The following ATP10A variants were observed in gnomAD, a reference collection of about 807,000 sequenced individuals.
ATP10A encodes the protein phospholipid-transporting ATPase VA.
In ATP10A, 111 loss-of-function variants were observed where a neutral mutation model predicts 147.8. The observed-to-expected ratio is 0.75, with a 90% CI of 0.64 to 0.88. The LOEUF is 0.88. ATP10A is among the 40% of genes least tolerant of loss of function. ATP10A has a pLI of 0.00. For missense variants in ATP10A, 1,927 were observed against 1,959.0 expected (o/e 0.98, Z 0.31); for synonymous variants, 875 against 841.6 (o/e 1.04, Z -0.69).
At chr15:25,794,196 A>G (rs1312957497) in intron 1 of ATP10A, among the ~76,000 whole-genome samples, 2 of 152,190 alleles carry the variant, frequency 1.3e-5, no homozygotes, top group Non-Finnish European at 2.9e-5. Context: ...CCTGGGTCAA[A>G]GCCCTCAGAT....
intron 1 of ATP10A, among the ~76,000 whole-genome samples, chr15:25,803,815 T>G (rs1247535604): frequency 6.6e-6 from 1 of 152,210 alleles, no homozygotes; most frequent in African/African-American, 2.4e-5. Context: ...CTTCTCTGAG[T>G]GTAACCGGGA....
intron 1 of ATP10A, among the ~76,000 whole-genome samples, chr15:25,792,958 C>T (rs932932796): frequency 1.3e-5 from 2 of 151,376 alleles, no homozygotes; most frequent in Non-Finnish European, 1.5e-5. Context: ...GCAACCTCCA[C>T]CTCCCAGGTT....
At chr15:25,723,167 G>A (rs1902347030) in intron 6 of ATP10A, among the ~76,000 whole-genome samples, 1 of 151,950 alleles carries the variant, frequency 6.6e-6, no homozygotes, top group Admixed American at 6.6e-5. Context: ...TGGCCAACAT[G>A]GTGAAACCCC....
chr15:25,795,831 A>C (rs1890647315), intron 1 of ATP10A, among the ~76,000 whole-genome samples: 1 of 152,092 alleles, frequency 6.6e-6, no homozygotes, highest in Non-Finnish European at 1.5e-5. Context: ...GTGGGGGTGG[A>C]TCCCACATGG....
rs149383375 is a variant in ATP10A at position 25,793,293 on chromosome 15, C to T, written c.450-12070G>A. On this transcript the variant is annotated intron_variant, in intron 1 of 20. Transcript: ENST00000555815. The stretch of plus-strand genomic sequence containing the variant: ...CATGCAGCTCTTGGGAGAATGAGCA[C>T]TGCAATCATACCTGCTCTTCCCATC... Among the ~76,000 whole-genome samples, 917 of 152,308 alleles carry T rather than the reference C, an allele frequency of 6.0e-3. 9 individuals are homozygous for T. Among genetic ancestry groups the T allele is most frequent in the African/African-American group, 0.021 (886 of 41,562 alleles).
chr15:25,854,780 G>A (rs190474344), intron 1 of ATP10A, among the ~76,000 whole-genome samples: 10 of 152,236 alleles, frequency 6.6e-5, no homozygotes, highest in South Asian at 2.1e-4. Context: ...AAAACAGGCC[G>A]GGCGCAGTGG....
intron 7 of ATP10A, among the ~76,000 whole-genome samples, chr15:25,720,615 G>C (rs1489060684): frequency 6.6e-6 from 1 of 152,120 alleles, no homozygotes; most frequent in Non-Finnish European, 1.5e-5. Flanking sequence ...GAAAAAGAGA[G>C]GAGAGGGAGG....
At chr15:25,693,504 G>A (rs117298327) in intron 14 of ATP10A, among the ~76,000 whole-genome samples, 1 of 152,156 alleles carries the variant, frequency 6.6e-6, no homozygotes, top group East Asian at 2.0e-4. Context: ...ACGTCTTACT[G>A]TGTACTGTGG....
chr15:25,810,031 C>T (rs1160513672), intron 1 of ATP10A, among the ~76,000 whole-genome samples: 2 of 149,658 alleles, frequency 1.3e-5, no homozygotes, highest in Admixed American at 6.7e-5. Flanking sequence ...AAAAAAATGA[C>T]GGAACGTCCA....
Position 25,679,600 on chromosome 15 carries a change from T to TTGGACTCCTCAGGACACCCTCC in ATP10A, c.4219_4240dup (p.Lys1414ArgfsTer5). 6.2e-7 allele frequency: 1 copy of TTGGACTCCTCAGGACACCCTCC among 1,611,242 alleles called. No individual in the cohort carries two copies. The highest frequency in any genetic ancestry group is 8.5e-7 in the Non-Finnish European group (1 of 1,178,138). ...CCTGCCGGTGCTGGCAGCTCTCACCTTGGACTCCTCAGGACACCCTCCTGG... is the reference window on the plus strand; with the variant it reads ...CCTGCCGGTGCTGGCAGCTCTCACCTTGGACTCCTCAGGACACCCTCCTGGACTCCTCAGGACACCCTCCTGG... On this transcript the variant is annotated stop_gained and frameshift_variant, in exon 21 of 21. Coordinates refer to ENST00000555815, the MANE Select transcript of ATP10A (RefSeq NM_024490.4). LOFTEE classifies it high-confidence loss of function.
chr15:25,766,901 T>C (rs1042524444), intron 2 of ATP10A, among the ~76,000 whole-genome samples: 7 of 144,712 alleles, frequency 4.8e-5, no homozygotes, highest in African/African-American at 1.9e-4. Flanking sequence ...TGGAACTGTT[T>C]CTAAAAAAAA....
At chr15:25,734,019 G>T (rs1887118752) in intron 3 of ATP10A, among the ~76,000 whole-genome samples, 1 of 152,202 alleles carries the variant, frequency 6.6e-6, no homozygotes, top group Admixed American at 6.5e-5. Flanking sequence ...AGGCCTGGGG[G>T]TACACAGCCA....
chr15:25,828,732 T>C (rs1892224549), intron 1 of ATP10A, among the ~76,000 whole-genome samples: 1 of 152,200 alleles, frequency 6.6e-6, no homozygotes, highest in Admixed American at 6.5e-5. Flanking sequence ...GAAAGTATCT[T>C]AAAATATAAT....
At chr15:25,789,670 T>G (rs540272342) in intron 1 of ATP10A, among the ~76,000 whole-genome samples, 1 of 152,172 alleles carries the variant, frequency 6.6e-6, no homozygotes, top group Admixed American at 6.5e-5. Flanking sequence ...AGATTTCATA[T>G]ACACTCATTA....
intron 1 of ATP10A, among the ~76,000 whole-genome samples, chr15:25,845,568 C>G (rs1285619191): frequency 6.6e-6 from 1 of 152,124 alleles, no homozygotes; most frequent in East Asian, 1.9e-4. Flanking sequence ...GACAGGGCAC[C>G]CGACCCCACC....
At chr15:25,761,995 T>C (rs915086592) in intron 2 of ATP10A, among the ~76,000 whole-genome samples, 2 of 152,136 alleles carry the variant, frequency 1.3e-5, no homozygotes, top group Non-Finnish European at 2.9e-5. Flanking sequence ...TCATCTTGAA[T>C]TGTGGCTCCC....
chr15:25,713,347 G>A (rs1901557971), intron 10 of ATP10A, among the ~76,000 whole-genome samples: 2 of 152,218 alleles, frequency 1.3e-5, no homozygotes, highest in Admixed American at 1.3e-4. Context: ...CAGGTCCACA[G>A]GGCAGGAAGA....
chr15:25,773,271 G>A (rs1010760908), intron 2 of ATP10A, among the ~76,000 whole-genome samples: 19 of 152,138 alleles, frequency 1.2e-4, no homozygotes, highest in African/African-American at 4.6e-4. Flanking sequence ...CTCGCAAACC[G>A]AAAGCATTGC....
Position 25,799,140 on chromosome 15 carries a change from T to C in ATP10A, c.450-17917A>G, listed in dbSNP as rs559107973. Among the ~76,000 whole-genome samples, 5 of 152,292 alleles carry C rather than the reference T, an allele frequency of 3.3e-5. No individual in the cohort carries two copies. The East Asian group carries it at 9.7e-4, about 29-fold the overall frequency. ...CTAACTCGGGGGCCATCCGAATGGT[T>C]ACGGAACTTGTTTTTCTTTCAAAAA... On this transcript the variant is annotated intron_variant, in intron 1 of 20. Transcript: ENST00000555815.
Sources: allele counts gnomAD v4.1 joint callset (sites outside exome capture counted in the v4.1 genomes callset), GRCh38; gene constraint gnomAD v4.1.1; transcripts MANE v1.5; gene names NCBI Gene and HGNC (gene_info 2026-07-23, HGNC 2026-07-21).